The following TMEM132B variants were observed in gnomAD, a reference collection of about 807,000 sequenced individuals.
TMEM132B encodes the protein transmembrane protein 132B.
TMEM132B carries 18 observed loss-of-function variants against 90.8 expected under a neutral mutation model. That is an observed-to-expected ratio of 0.20 (90% confidence interval 0.14 to 0.29). The LOEUF (loss-of-function observed/expected upper bound fraction) is 0.29. TMEM132B is among the 10% of genes least tolerant of loss of function. The probability of loss-of-function intolerance (pLI) is 1.00; values close to 1 mark genes in which losing one functional copy is unlikely to be tolerated. For missense variants in TMEM132B, 1,096 were observed against 1,326.8 expected (o/e 0.83, Z 2.70); for synonymous variants, 504 against 523.3 (o/e 0.96, Z 0.50).
chr12:125,430,350 A>T (rs913086597), intron 3 of TMEM132B, among the ~76,000 whole-genome samples: 1 of 152,166 alleles, frequency 6.6e-6, no homozygotes, highest in African/African-American at 2.4e-5. Context: ...GTAGATAATG[A>T]TATGAAATGT....
chr12:125,626,648 A>G (rs948151509), intron 5 of TMEM132B, among the ~76,000 whole-genome samples: 5 of 152,116 alleles, frequency 3.3e-5, no homozygotes, highest in African/African-American at 1.2e-4. Context: ...CTGATTTCCA[A>G]CAAGAAGTCT....
chr12:125,652,849 A>G (rs1400302638), intron 8 of TMEM132B, among the ~76,000 whole-genome samples: 5 of 152,210 alleles, frequency 3.3e-5, no homozygotes, highest in East Asian at 1.9e-4. Context: ...CCACATCCTT[A>G]TACGCCATTT....
chr12:125,351,610 C>A (rs773562037), intron 2 of TMEM132B, among the ~76,000 whole-genome samples: 2 of 152,096 alleles, frequency 1.3e-5, no homozygotes, highest in Admixed American at 6.5e-5. Context: ...GTCAAGAAGG[C>A]AATACTGAGG....
chr12:125,292,089 A>G (rs1198294380), intron 1 of TMEM132B, among the ~76,000 whole-genome samples: 1 of 152,220 alleles, frequency 6.6e-6, no homozygotes, highest in Non-Finnish European at 1.5e-5. Flanking sequence ...TACATTTATT[A>G]CCAACATATC....
At chr12:125,224,131 T>C (rs989071209) in intron 1 of TMEM132B, among the ~76,000 whole-genome samples, 1 of 152,232 alleles carries the variant, frequency 6.6e-6, no homozygotes, top group African/African-American at 2.4e-5. Context: ...CATTCCCTTT[T>C]ATGGCTGGAT....
At position 125,498,230 on chromosome 12, in the gene TMEM132B, G is replaced by A. The variant is rs551112247; in HGVS notation, c.1107-21209G>A. On this transcript the variant is annotated intron_variant, in intron 3 of 8. Coordinates refer to ENST00000682704, the MANE Select transcript of TMEM132B (RefSeq NM_001366854.1). The surrounding 1 kb of genome is among the most constrained non-coding windows in gnomAD (Gnocchi z 4.5). ...CTGGTCAGAAGGCTGGGAGGATAAT[G>A]AGAAGAACAGTAAAGGATGATTTAA... 7.9e-5 allele frequency among the ~76,000 whole-genome samples: 12 copies of A among 152,358 alleles called. No homozygotes were observed. In the South Asian group the frequency reaches 2.5e-3, roughly 32 times the overall value.
At chr12:125,399,157 G>T (rs961222743) in intron 2 of TMEM132B, among the ~76,000 whole-genome samples, 1 of 152,178 alleles carries the variant, frequency 6.6e-6, no homozygotes, top group Admixed American at 6.5e-5. Context: ...ACCTAATGTG[G>T]TCATGGAGTG....
intron 1 of TMEM132B, among the ~76,000 whole-genome samples, chr12:125,339,733 G>A (rs751127975): frequency 1.3e-5 from 2 of 152,156 alleles, no homozygotes; most frequent in Non-Finnish European, 2.9e-5. Flanking sequence ...AAAGTTACAC[G>A]CTGAGAACGC....
At chr12:125,577,384 A>G (rs1050377689) in intron 4 of TMEM132B, among the ~76,000 whole-genome samples, 5 of 151,588 alleles carry the variant, frequency 3.3e-5, no homozygotes, top group South Asian at 4.1e-4. Flanking sequence ...CAGTCTGGCT[A>G]AAGTTTTGTC....
intron 3 of TMEM132B, among the ~76,000 whole-genome samples, chr12:125,512,070 G>T (rs1566058747): frequency 1.3e-5 from 2 of 152,220 alleles, no homozygotes; most frequent in South Asian, 2.1e-4. Flanking sequence ...GCAGAATGAG[G>T]AATCACTGGT....
chr12:125,330,676 G>A (rs774062504), intron 1 of TMEM132B, among the ~76,000 whole-genome samples: 1 of 152,304 alleles, frequency 6.6e-6, no homozygotes, highest in Non-Finnish European at 1.5e-5. Context: ...GCTTTAAAAT[G>A]TGCAAATGTT....
At chr12:125,275,192 C>A (rs1159886097) in intron 1 of TMEM132B, among the ~76,000 whole-genome samples, 1 of 152,176 alleles carries the variant, frequency 6.6e-6, no homozygotes, top group Non-Finnish European at 1.5e-5. Context: ...CACCCCAGCT[C>A]ACAGCTCACT....
chr12:125,355,410 C>A (rs1233357035), intron 2 of TMEM132B, among the ~76,000 whole-genome samples: 1 of 152,014 alleles, frequency 6.6e-6, no homozygotes, highest in African/African-American at 2.4e-5. Flanking sequence ...GGCTTGGGAG[C>A]ACAGTTGGCT....
chr12:125,326,538 G>T, intron 1 of TMEM132B: 1 of 1,452,690 alleles, frequency 6.9e-7, no homozygotes, highest in Non-Finnish European at 9.5e-7. Context: ...GCTGTTTGAT[G>T]GGGGGAGGTG....
chr12:125,290,192 C>T (rs1875498285), intron 1 of TMEM132B, among the ~76,000 whole-genome samples: 1 of 152,170 alleles, frequency 6.6e-6, no homozygotes, highest in South Asian at 2.1e-4. Context: ...GCTCATTACG[C>T]ATCGGAATTA....
chr12:125,504,906 C>G (rs138314203), intron 3 of TMEM132B, among the ~76,000 whole-genome samples: 1 of 151,990 alleles, frequency 6.6e-6, no homozygotes, highest in Non-Finnish European at 1.5e-5. Flanking sequence ...AAAAAAAGAT[C>G]TAGAGAAAGA....
chr12:125,381,289 T>C (rs1878672853), intron 2 of TMEM132B, among the ~76,000 whole-genome samples: 1 of 152,164 alleles, frequency 6.6e-6, no homozygotes, highest in Admixed American at 6.5e-5. Flanking sequence ...AGCAGACTCC[T>C]GACCAGGACC....
In TMEM132B at chr12:125,490,617, C is replaced by G. The variant is rs1229978837; in HGVS notation, c.1107-28822C>G. ...TAGCTCGACTACAGACACCTGCCACCACGCCTGGCTAATTTTTTGTGTGTG... is the reference window on the plus strand; with the variant it reads ...TAGCTCGACTACAGACACCTGCCACGACGCCTGGCTAATTTTTTGTGTGTG... On this transcript the variant is annotated intron_variant, in intron 3 of 8. Transcript: ENST00000682704. The surrounding 1 kb of genome is among the most constrained non-coding windows in gnomAD (Gnocchi z 4.2). Among the ~76,000 whole-genome samples the G allele has an allele frequency of 2.0e-5, 3 of 152,088 alleles. No individual in the cohort carries two copies. Among genetic ancestry groups the G allele is most frequent in the Non-Finnish European group, 4.4e-5 (3 of 68,012 alleles).
rs1887092109 is a variant in TMEM132B, at chr12:125,657,365, G to GTA, written c.*2656_*2657insAT. ...TGTGTGTGTGTGTGTGTGTGTGTGT[G>GTA]TGTGAATACTGAAGAGCCAGACAAC... On this transcript the variant is annotated 3_prime_UTR_variant, in exon 9 of 9. Coordinates refer to ENST00000682704, the MANE Select transcript of TMEM132B (RefSeq NM_001366854.1). 6.6e-6 allele frequency: 1 copy of GTA among 152,056 alleles called. No individual in the cohort carries two copies. Among genetic ancestry groups the GTA allele is most frequent in the African/African-American group, 2.4e-5 (1 of 41,346 alleles). 9.4% of individuals were successfully genotyped at this position (152,056 alleles called of 1,614,324 possible).
Sources: gnomAD v4.1 joint callset for allele counts (sites outside exome capture counted in the v4.1 genomes callset) on GRCh38, gnomAD v4.1.1 for gene constraint, Gnocchi (gnomAD v3.1) non-coding constraint, MANE v1.5 for transcripts, NCBI Gene and HGNC (gene_info 2026-07-23, HGNC 2026-07-21) for gene names.